SUCLG1: variants seen among roughly 807,000 people sequenced by gnomAD.
SUCLG1 encodes the protein succinate--CoA ligase [ADP/GDP-forming] subunit alpha, mitochondrial.
In SUCLG1, 26 loss-of-function variants were observed where a neutral mutation model predicts 37.3. The observed-to-expected ratio is 0.70, with a 90% CI of 0.51 to 0.97. SUCLG1 has a LOEUF of 0.97. Among genes scored for constraint, SUCLG1 ranks in the 50% least tolerant of loss-of-function variants. The pLI is 0.00. For synonymous variants in SUCLG1, 163 were observed against 155.6 expected (o/e 1.05, Z -0.36); for missense variants, 433 against 432.9 (o/e 1.00, Z 0.00).
At position 84,425,649 on chromosome 2, in the gene SUCLG1, C is replaced by A. The variant is rs772296004; in HGVS notation, c.826-46G>T. ...TAAATGCTCTAATGAAGAAGTCAAT[C>A]AAAACGGGACCTCAAATTCATGACT... On this transcript the variant is annotated intron_variant, in intron 7 of 8. Transcript: ENST00000393868. 3.7e-6 allele frequency: 6 copies of A among 1,603,652 alleles called. No homozygotes were observed. The South Asian group carries it at 6.6e-5, about 18-fold the overall frequency.
At chr2:84,433,555 T>G (rs1471926011) in intron 5 of SUCLG1, 120 bp from the exon 6 acceptor site, 1 of 836,942 alleles carries the variant, frequency 1.2e-6, no homozygotes, top group Non-Finnish European at 2.0e-6. Context: ...TTCCATGATT[T>G]GCCATCAAAA....
rs530601965 is a variant in SUCLG1, at chr2:84,426,215, T to C, written c.826-612A>G. The C allele has an allele frequency of 7.1e-5, 11 of 155,190 alleles. No homozygotes were observed. The South Asian group carries it at 7.9e-4, about 11-fold the overall frequency. The allele number at this position is 155,190 out of a possible 1,614,324, so 9.6% of individuals were successfully genotyped here. On this transcript the variant is annotated intron_variant, in intron 7 of 8. Transcript: ENST00000393868. ...CTGTGTCTAAGAGGGAAGATCAGAA[T>C]TGGTTTTATTCAGCAAAAATCCATT...
At position 84,423,540 on chromosome 2, in the gene SUCLG1, A is replaced by G; in HGVS notation, c.*206T>C. On this transcript the variant is annotated 3_prime_UTR_variant, in exon 9 of 9. Coordinates refer to ENST00000393868, the MANE Select transcript of SUCLG1 (RefSeq NM_003849.4). ...CTCCAAAACCATATTGAAATCAAAT[A>G]GTAGATTTATTGGCTGTCTCTGTAA... 1.6e-6 allele frequency: 1 copy of G among 617,896 alleles called. No homozygotes were observed. Among genetic ancestry groups the G allele is most frequent in the Non-Finnish European group, 2.9e-6 (1 of 343,098 alleles). 38.3% of individuals were successfully genotyped at this position (617,896 alleles called of 1,614,324 possible).
Position 84,459,256 on chromosome 2 carries a change from A to G in SUCLG1, c.14T>C (p.Leu5Pro). The change falls in exon 1 of 9, where the codon CTT (leucine) becomes CCT (proline). Residue 5 changes from leucine (L) to proline (P), a missense_variant. Leu to Pro is a moderately conservative substitution (Grantham distance 98). Transcript: ENST00000393868. ...GGTAGCGATGTCAGCGGCAGCGGCA[A>G]GGGTTGCGGTCATACGCCAATGACA... MTAT[L>P]AAAADIATMV... The G allele has an allele frequency of 1.3e-6, 2 of 1,550,662 alleles. No homozygotes were observed. The highest frequency in any genetic ancestry group is 1.2e-5 in the South Asian group (1 of 84,048).
chr2:84,449,656 C>T lies in SUCLG1; in HGVS notation c.194G>A (p.Gly65Asp), dbSNP rs757670705. The T allele has an allele frequency of 1.9e-6, 3 of 1,593,990 alleles. No homozygotes were observed. The highest frequency in any genetic ancestry group is 2.2e-5 in the East Asian group (1 of 44,486). ...AAATCTAGATATACATACCTGTTTG[C>T]CAGTGAAACCCTGGCAAATAATCTT... ...NTKIICQGFT[G>D]KQGTFHSQQA... The change falls in exon 2 of 9, where the codon GGC (glycine) becomes GAC (aspartate). Residue 65 changes from glycine (G) to aspartate (D), a missense_variant. Transcript: ENST00000393868.
Position 84,435,023 on chromosome 2 carries a change from C to T in SUCLG1, c.590-1588G>A, listed in dbSNP as rs1292281937. On this transcript the variant is annotated intron_variant, in intron 5 of 8. Transcript: ENST00000393868. The stretch of plus-strand genomic sequence containing the variant: ...CACTAGACAGTGACAACTAAATCCT[C>T]GACGATGCCTCACTTCACGTGGAAC... 4.6e-5 allele frequency among the ~76,000 whole-genome samples: 7 copies of T among 152,166 alleles called. No individual in the cohort carries two copies. In the East Asian group the frequency reaches 1.3e-3, roughly 29 times the overall value.
At chr2:84,457,638 G>A (rs1673042440) in intron 1 of SUCLG1, among the ~76,000 whole-genome samples, 3 of 152,148 alleles carry the variant, frequency 2.0e-5, no homozygotes, top group South Asian at 4.1e-4. Flanking sequence ...CCACAGAAGC[G>A]AAAGACACAG....
intron 1 of SUCLG1, chr2:84,458,669 T>G (rs1161914329): frequency 6.5e-6 from 1 of 152,798 alleles, no homozygotes; most frequent in African/African-American, 2.4e-5. Context: ...GAAACCATCT[T>G]TCCCTGACAT....
intron 5 of SUCLG1, among the ~76,000 whole-genome samples, chr2:84,436,894 A>G (rs1672693741): frequency 6.6e-6 from 1 of 152,212 alleles, no homozygotes; most frequent in Non-Finnish European, 1.5e-5. Context: ...CACAGAAGGT[A>G]AACATATATG....
At position 84,443,414 on chromosome 2, in the gene SUCLG1, G is replaced by C; in HGVS notation, c.202-14C>G. The C allele has an allele frequency of 1.9e-6, 3 of 1,612,040 alleles. No homozygotes were observed. The highest frequency in any genetic ancestry group is 1.1e-5 in the South Asian group (1 of 91,028). On this transcript the variant is annotated splice_polypyrimidine_tract_variant and intron_variant, in intron 2 of 8. Transcript: ENST00000393868. ...GTGAAAGGTGCCCTGAGGGGAAAAA[G>C]CACAAGATCCATGAGAAACAGCAGA...
chr2:84,442,249 T>C (rs1672786443), intron 3 of SUCLG1, among the ~76,000 whole-genome samples: 1 of 151,530 alleles, frequency 6.6e-6, no homozygotes. Context: ...CTCCTCTCTA[T>C]ATTTTGAGGT....
intron 2 of SUCLG1, among the ~76,000 whole-genome samples, chr2:84,443,832 G>GA (rs11324100): frequency 4.7e-5 from 7 of 149,106 alleles, no homozygotes; most frequent in South Asian, 4.3e-4. Context: ...GTGGCTAAGG[G>GA]AAAAAAAAAC....
At chr2:84,448,026 C>T (rs754058810) in intron 2 of SUCLG1, among the ~76,000 whole-genome samples, 1 of 151,862 alleles carries the variant, frequency 6.6e-6, no homozygotes, top group Non-Finnish European at 1.5e-5. Context: ...GCTACCACAT[C>T]CTGCCATTTT....
rs1672907018 is a variant in SUCLG1, at chr2:84,449,679, CTT to C, written c.169_170del (p.Lys57AspfsTer45). On this transcript the variant is annotated frameshift_variant, in exon 2 of 9. Coordinates refer to ENST00000393868, the MANE Select transcript of SUCLG1 (RefSeq NM_003849.4). LOFTEE classifies it high-confidence loss of function. Reference protein sequence around the residue: ...RQHLYVDKNTKIICQGFTGKQ... With the variant: ...RQHLYVDKNTXIICQGFTGKQ... ...TGCCAGTGAAACCCTGGCAAATAAT[CTT>C]TGTATTTTTATCAACATAGAGATGT... 2 of 1,571,232 alleles carry C rather than the reference CTT, an allele frequency of 1.3e-6. No homozygotes were observed. Among genetic ancestry groups the C allele is most frequent in the Non-Finnish European group, 1.7e-6 (2 of 1,158,590 alleles).
At chr2:84,427,307 A>C (rs1000815449) in intron 7 of SUCLG1, among the ~76,000 whole-genome samples, 2 of 152,242 alleles carry the variant, frequency 1.3e-5, no homozygotes, top group African/African-American at 4.8e-5. Context: ...AATTTCTTAC[A>C]GGTTAGGTGC....
chr2:84,428,078 C>G (rs767543195), intron 7 of SUCLG1, among the ~76,000 whole-genome samples: 1 of 152,182 alleles, frequency 6.6e-6, no homozygotes, highest in Non-Finnish European at 1.5e-5. Flanking sequence ...CTCCCTTTCT[C>G]CTTATCTTCC....
rs182744145 is a variant in SUCLG1, at chr2:84,444,445, A to C, written c.202-1045T>G. Among the ~76,000 whole-genome samples, 566 of 152,288 alleles carry C rather than the reference A, an allele frequency of 3.7e-3. 1 individual carries two copies. The highest frequency in any genetic ancestry group is 6.2e-3 in the Admixed American group (95 of 15,298). On this transcript the variant is annotated intron_variant, in intron 2 of 8. Transcript: ENST00000393868. ...TTTTCAAAAGGGGAGGGAGTGTACA[A>C]ATAGGGTGTGGGTCACAGAGATCAT...
intron 1 of SUCLG1, among the ~76,000 whole-genome samples, chr2:84,452,843 C>T (rs1332860769): frequency 3.3e-5 from 5 of 152,100 alleles, no homozygotes; most frequent in African/African-American, 1.2e-4. Context: ...AATTCCAGGA[C>T]AAGAAACAGG....
chr2:84,457,773 T>C (rs904766888), intron 1 of SUCLG1, among the ~76,000 whole-genome samples: 1 of 152,196 alleles, frequency 6.6e-6, no homozygotes, highest in Non-Finnish European at 1.5e-5. Context: ...TACTTCATTC[T>C]TGGTGCTCAA....
Sources: gnomAD v4.1 joint callset for allele counts (sites outside exome capture counted in the v4.1 genomes callset) on GRCh38, gnomAD v4.1.1 for gene constraint, MANE v1.5 for transcripts, NCBI Gene and HGNC (gene_info 2026-07-23, HGNC 2026-07-21) for gene names.